BCAM: variants seen among roughly 807,000 people sequenced by gnomAD.
BCAM encodes the protein basal cell adhesion molecule.
A neutral mutation model predicts 72.4 loss-of-function variants in BCAM; 61 were observed. The ratio of observed to expected loss-of-function variants is 0.84; its 90% CI spans 0.69 to 1.04. The LOEUF is 1.04. Among genes scored for constraint, BCAM ranks in the 50% least tolerant of loss-of-function variants. The probability of loss-of-function intolerance (pLI) is 0.00; values close to 1 mark genes in which losing one functional copy is unlikely to be tolerated. For synonymous variants in BCAM, 408 were observed against 384.2 expected, an observed-to-expected ratio of 1.06 and a Z score of -0.73; for missense variants, 909 against 895.0, an observed-to-expected ratio of 1.02 and a Z score of -0.20.
At chr19:44,817,923 G>T (rs546567398) in intron 8 of BCAM, among the ~76,000 whole-genome samples, 217 of 152,344 alleles carry the variant, frequency 1.4e-3, no homozygotes, top group African/African-American at 5.1e-3. Flanking sequence ...CTAGTGAAGA[G>T]GTGGTTGGGA....
chr19:44,813,427 ATC>A lies in BCAM; in HGVS notation c.602-6_602-5del, dbSNP rs760951592. ...GCCTGGCTGACTGCCACCTCCCCCGATCTCTCCCAGAGGGCTACATGACCAGC... is the reference window on the plus strand; with the variant it reads ...GCCTGGCTGACTGCCACCTCCCCCGATCTCCCAGAGGGCTACATGACCAGC... On this transcript the variant is annotated splice_polypyrimidine_tract_variant and intron_variant, in intron 5 of 14. Coordinates refer to ENST00000270233, the MANE Select transcript of BCAM (RefSeq NM_005581.5). This position sits in a 1 kb window ranked among gnomAD's most constrained non-coding sequence, Gnocchi z 4.2. 3.1e-6 allele frequency: 5 copies of A among 1,608,320 alleles called. No individual in the cohort carries two copies. Among genetic ancestry groups the A allele is most frequent in the Non-Finnish European group, 4.2e-6 (5 of 1,177,448 alleles).
intron 13 of BCAM, 48 bp from the exon 14 acceptor site, chr19:44,820,657 G>A (rs781440527): frequency 1.3e-5 from 15 of 1,121,182 alleles, no homozygotes; most frequent in South Asian, 7.2e-5. Flanking sequence ...TCCCCCTGCC[G>A]TGTGCACCTC....
At position 44,812,597 on chromosome 19, in the gene BCAM, C is replaced by CA. The variant is rs1968440922; in HGVS notation, c.504+50dup. 3 of 1,605,340 alleles carry CA rather than the reference C, an allele frequency of 1.9e-6. No homozygotes were observed. Among genetic ancestry groups the CA allele is most frequent in the Non-Finnish European group, 2.6e-6 (3 of 1,174,430 alleles). ...CCCAGGGTCCTGGAGGAGGAGGGGACAGGGCCCTGGACTCCTGGGTCTGAG... is the reference window on the plus strand; with the variant it reads ...CCCAGGGTCCTGGAGGAGGAGGGGACAAGGGCCCTGGACTCCTGGGTCTGAG... On this transcript the variant is annotated intron_variant, in intron 4 of 14. Coordinates refer to ENST00000270233, the MANE Select transcript of BCAM (RefSeq NM_005581.5). The surrounding 1 kb of genome is among the most constrained non-coding windows in gnomAD (Gnocchi z 5.3).
chr19:44,820,547 G>A, intron 13 of BCAM, 158 bp from the exon 14 acceptor site: 2 of 1,278,556 alleles, frequency 1.6e-6, no homozygotes, highest in Non-Finnish European at 2.0e-6. Flanking sequence ...GCCATTACCA[G>A]CCCCTACCCC....
At position 44,812,097 on chromosome 19, in the gene BCAM, C is replaced by A; in HGVS notation, c.205-66C>A. ...AGCCAGGAGCTGCAGAGAGAAAGGACCCAGAGAGAGAGAGACTGAGGAGCG... is the reference window on the plus strand; with the variant it reads ...AGCCAGGAGCTGCAGAGAGAAAGGAACCAGAGAGAGAGAGACTGAGGAGCG... On this transcript the variant is annotated intron_variant, in intron 2 of 14. Coordinates refer to ENST00000270233, the MANE Select transcript of BCAM (RefSeq NM_005581.5). The surrounding 1 kb of genome is among the most constrained non-coding windows in gnomAD (Gnocchi z 5.3). 1 of 1,453,116 alleles carries A rather than the reference C, an allele frequency of 6.9e-7. No homozygotes were observed. Among genetic ancestry groups the A allele is most frequent in the Non-Finnish European group, 9.3e-7 (1 of 1,076,982 alleles). The allele number at this position is 1,453,116 out of a possible 1,614,324, so 90.0% of individuals were successfully genotyped here. A position where few individuals can be genotyped will look rare whatever the true frequency, so the allele number is the denominator to read the frequency against.
Position 44,812,958 on chromosome 19 carries a change from AAAAAAAAAG to A in BCAM, c.505-289_505-281del. Reference sequence around the variant, plus strand: ...GAGCAATACTCCGTCTCAAAAAAAAAAAAAAAAAGAAGAAGAAAAGAAAAAAGAAAGGAA... The same window carrying A: ...GAGCAATACTCCGTCTCAAAAAAAAAAAGAAGAAAAGAAAAAAGAAAGGAA... On this transcript the variant is annotated intron_variant, in intron 4 of 14. Coordinates refer to ENST00000270233, the MANE Select transcript of BCAM (RefSeq NM_005581.5). The surrounding 1 kb of genome is among the most constrained non-coding windows in gnomAD (Gnocchi z 5.3). The A allele has an allele frequency of 2.3e-6, 1 of 434,552 alleles. No homozygotes were observed. Among genetic ancestry groups the A allele is most frequent in the Non-Finnish European group, 4.1e-6 (1 of 246,112 alleles). The allele number at this position is 434,552 out of a possible 1,614,324, so 26.9% of individuals were successfully genotyped here.
At position 44,820,952 on chromosome 19, in the gene BCAM, C is replaced by T; in HGVS notation, c.*31C>T. 6.5e-7 allele frequency: 1 copy of T among 1,545,904 alleles called. No individual in the cohort carries two copies. The highest frequency in any genetic ancestry group is 8.7e-7 in the Non-Finnish European group (1 of 1,146,164). On this transcript the variant is annotated 3_prime_UTR_variant, in exon 15 of 15. Coordinates refer to ENST00000270233, the MANE Select transcript of BCAM (RefSeq NM_005581.5). ...GAACCTCCTAGAGGCTGTCCCTGGA[C>T]CTGGAGCTGCAGGCATCAGAGAACC...
intron 8 of BCAM, among the ~76,000 whole-genome samples, chr19:44,815,262 C>T (rs915700387): frequency 2.0e-5 from 3 of 152,126 alleles, no homozygotes; most frequent in Non-Finnish European, 4.4e-5. Context: ...TCCTTCCTAC[C>T]GTCTATTTCT....
Position 44,818,613 on chromosome 19 carries a change from C to T in BCAM, c.1170C>T (p.Pro390=). 1 of 1,613,976 alleles carries T rather than the reference C, an allele frequency of 6.2e-7. No individual in the cohort carries two copies. The highest frequency in any genetic ancestry group is 8.5e-7 in the Non-Finnish European group (1 of 1,179,898). The change falls in exon 9 of 15, where the codon CCC becomes CCT. Residue 390 remains proline, a synonymous_variant. Coordinates refer to ENST00000270233, the MANE Select transcript of BCAM (RefSeq NM_005581.5). The surrounding 1 kb of genome is among the most constrained non-coding windows in gnomAD (Gnocchi z 4.6). ...TGAACTGCTCCGTGCACGGCCTGCC[C>T]ACCCCTGCCCTACGCTGGACCAAGG... ...AVVNCSVHGL[P]TPALRWTKDS... is the part of the protein sequence containing the mutation.
In BCAM at chr19:44,813,370, G is replaced by A. The variant is rs2122554064; in HGVS notation, c.601+24G>A. Reference sequence around the variant, plus strand: ...AGGTGAGCAGCGCAGGAGCGCGGCGGGACGTGGGCTGGGGTGGGTGGCGGG... The same window carrying A: ...AGGTGAGCAGCGCAGGAGCGCGGCGAGACGTGGGCTGGGGTGGGTGGCGGG... On this transcript the variant is annotated intron_variant, in intron 5 of 14. Coordinates refer to ENST00000270233, the MANE Select transcript of BCAM (RefSeq NM_005581.5). The surrounding 1 kb of genome is among the most constrained non-coding windows in gnomAD (Gnocchi z 4.2). 1 of 1,611,350 alleles carries A rather than the reference G, an allele frequency of 6.2e-7. No individual in the cohort carries two copies. The highest frequency in any genetic ancestry group is 2.2e-5 in the East Asian group (1 of 44,832).
In BCAM at chr19:44,811,306, CT is replaced by C; in HGVS notation, c.165del (p.Thr56ArgfsTer23). ...AAGTCTGTCATTCTGGACTGCACCC[CT>C]ACGGGAACCCACGACCATTATATGC... is the stretch of plus-strand genomic sequence containing the variant. ...RGKSVILDCTPTGTHDHYMLE... is the reference protein window; with the variant it reads ...RGKSVILDCTXTGTHDHYMLE... On this transcript the variant is annotated frameshift_variant, in exon 2 of 15. Transcript: ENST00000270233. LOFTEE classifies it high-confidence loss of function. 2 of 1,613,514 alleles carry C rather than the reference CT, an allele frequency of 1.2e-6. No homozygotes were observed. The highest frequency in any genetic ancestry group is 2.2e-5 in the South Asian group (2 of 91,052).
Position 44,820,712 on chromosome 19 carries a change from G to T in BCAM, c.1771G>T (p.Gly591Trp). ...GCTGCCTCCTCCCCCCAGGCCGCCAGGGGAGCCAGGGCTGAGCCACTCGGG... is the reference window on the plus strand; with the variant it reads ...GCTGCCTCCTCCCCCCAGGCCGCCATGGGAGCCAGGGCTGAGCCACTCGGG... The part of the protein sequence containing the change: ...QRREKGAPPP[G>W]EPGLSHSGSE... Residue 591 changes from glycine to tryptophan, a missense_variant, in exon 14 of 15, where the codon GGG becomes TGG. By Grantham distance (184) the Gly-to-Trp change is radical. Coordinates refer to ENST00000270233, the MANE Select transcript of BCAM (RefSeq NM_005581.5). 1 of 1,399,608 alleles carries T rather than the reference G, an allele frequency of 7.1e-7. No individual in the cohort carries two copies. Among genetic ancestry groups the T allele is most frequent in the Admixed American group, 3.0e-5 (1 of 33,182 alleles). The allele number at this position is 1,399,608 out of a possible 1,614,324, so 86.7% of individuals were successfully genotyped here. A position where few individuals can be genotyped will look rare whatever the true frequency, so the allele number is the denominator to read the frequency against.
Position 44,813,646 on chromosome 19 carries a change from C to G in BCAM, c.784+26C>G, listed in dbSNP as rs780645045. ...GTGAGTCTGTGCTGGCCTTTGACCT[C>G]TGACCTCAGGCTCCACACCTCATGA... is the stretch of plus-strand genomic sequence containing the variant. On this transcript the variant is annotated intron_variant, in intron 6 of 14. Coordinates refer to ENST00000270233, the MANE Select transcript of BCAM (RefSeq NM_005581.5). This position sits in a 1 kb window ranked among gnomAD's most constrained non-coding sequence, Gnocchi z 4.2. 2 of 1,602,704 alleles carry G rather than the reference C, an allele frequency of 1.2e-6. No individual in the cohort carries two copies. The highest frequency in any genetic ancestry group is 3.4e-5 in the Admixed American group (2 of 59,656).
rs1968527144 is a variant in BCAM at position 44,818,219 on chromosome 19, A to G, written c.1079-303A>G. Among the ~76,000 whole-genome samples, 1 of 152,178 alleles carries G rather than the reference A, an allele frequency of 6.6e-6. No individual in the cohort carries two copies. Among genetic ancestry groups the G allele is most frequent in the African/African-American group, 2.4e-5 (1 of 41,452 alleles). On this transcript the variant is annotated intron_variant, in intron 8 of 14. Coordinates refer to ENST00000270233, the MANE Select transcript of BCAM (RefSeq NM_005581.5). The surrounding 1 kb of genome is among the most constrained non-coding windows in gnomAD (Gnocchi z 4.6). ...GGTTTGAGCAAAAGGTTTGTGTGCTAAAGTCACAGAAGGGACACCTTCCAC... is the reference window on the plus strand; with the variant it reads ...GGTTTGAGCAAAAGGTTTGTGTGCTGAAGTCACAGAAGGGACACCTTCCAC...
At position 44,814,908 on chromosome 19, in the gene BCAM, G is replaced by GTTTTTT; in HGVS notation, c.1078+162_1078+167dup. The stretch of plus-strand genomic sequence containing the variant: ...GCATTTCTTGGGGGTTTTTTTGGTT[G>GTTTTTT]TTTTTTTTTTTTTTTTTTTCCCAGA... On this transcript the variant is annotated intron_variant, in intron 8 of 14. Transcript: ENST00000270233. The surrounding 1 kb of genome is among the most constrained non-coding windows in gnomAD (Gnocchi z 4.6). 10 of 518,362 alleles carry GTTTTTT rather than the reference G, an allele frequency of 1.9e-5. No individual in the cohort carries two copies. The highest frequency in any genetic ancestry group is 2.2e-5 in the Non-Finnish European group (8 of 357,428). 32.1% of individuals were successfully genotyped at this position (518,362 alleles called of 1,614,324 possible). A position where few individuals can be genotyped will look rare whatever the true frequency, so the allele number is the denominator to read the frequency against.
chr19:44,820,836 T>C lies in BCAM; in HGVS notation c.1881+14T>C. The C allele has an allele frequency of 1.3e-6, 2 of 1,519,524 alleles. No homozygotes were observed. The highest frequency in any genetic ancestry group is 2.2e-5 in the Admixed American group (1 of 44,564). The allele number at this position is 1,519,524 out of a possible 1,614,324, so 94.1% of individuals were successfully genotyped here. ...TTCGGAGACGAGGTGGGTGAGGGCC[T>C]GGGCCCCCTGGTGAGAGGGACCTGC... On this transcript the variant is annotated intron_variant, in intron 14 of 14. Coordinates refer to ENST00000270233, the MANE Select transcript of BCAM (RefSeq NM_005581.5).
chr19:44,819,276 C>T (rs1599889464), intron 11 of BCAM, 70 bp from the exon 12 acceptor site: 30 of 1,610,110 alleles, frequency 1.9e-5, no homozygotes, highest in East Asian at 1.3e-4. Flanking sequence ...GGAGACTGGA[C>T]GTCGTTCACC....
In BCAM at chr19:44,814,908, G is replaced by GTTTTTTTTTTTTT; in HGVS notation, c.1078+155_1078+167dup. The GTTTTTTTTTTTTT allele has an allele frequency of 3.9e-6, 2 of 518,392 alleles. No individual in the cohort carries two copies. Among genetic ancestry groups the GTTTTTTTTTTTTT allele is most frequent in the South Asian group, 5.9e-5 (1 of 17,066 alleles). The allele number at this position is 518,392 out of a possible 1,614,324, so 32.1% of individuals were successfully genotyped here. ...GCATTTCTTGGGGGTTTTTTTGGTTGTTTTTTTTTTTTTTTTTTTCCCAGA... is the reference window on the plus strand; with the variant it reads ...GCATTTCTTGGGGGTTTTTTTGGTTGTTTTTTTTTTTTTTTTTTTTTTTTTTTTTTTTCCCAGA... On this transcript the variant is annotated intron_variant, in intron 8 of 14. Coordinates refer to ENST00000270233, the MANE Select transcript of BCAM (RefSeq NM_005581.5). The surrounding 1 kb of genome is among the most constrained non-coding windows in gnomAD (Gnocchi z 4.6).
In BCAM at chr19:44,813,142, G is replaced by A; in HGVS notation, c.505-108G>A. 1 of 1,280,878 alleles carries A rather than the reference G, an allele frequency of 7.8e-7. No homozygotes were observed. Among genetic ancestry groups the A allele is most frequent in the East Asian group, 2.4e-5 (1 of 42,528 alleles). The allele number at this position is 1,280,878 out of a possible 1,614,324, so 79.3% of individuals were successfully genotyped here. On this transcript the variant is annotated intron_variant, in intron 4 of 14. Coordinates refer to ENST00000270233, the MANE Select transcript of BCAM (RefSeq NM_005581.5). This position sits in a 1 kb window ranked among gnomAD's most constrained non-coding sequence, Gnocchi z 4.2. ...GACTCCTGGGTCCTGGGAGAGTCGG[G>A]AGTTAGGAGCCCGGCTCATGAGTCT...
Sources: allele counts gnomAD v4.1 joint callset (sites outside exome capture counted in the v4.1 genomes callset), GRCh38; gene constraint gnomAD v4.1.1; non-coding constraint Gnocchi (gnomAD v3.1); transcripts MANE v1.5; gene names NCBI Gene and HGNC (gene_info 2026-07-23, HGNC 2026-07-21).